The following PSKH2 variants were observed in gnomAD, a reference collection of about 807,000 sequenced individuals.
PSKH2 encodes the protein serine/threonine-protein kinase H2.
In PSKH2, 16 loss-of-function variants were observed where a neutral mutation model predicts 22.5. That is an observed-to-expected ratio of 0.71 (90% CI 0.48 to 1.08). The LOEUF (loss-of-function observed/expected upper bound fraction) is 1.08. Among genes scored for constraint, PSKH2 ranks in the 50% least tolerant of loss-of-function variants. The pLI, the probability that PSKH2 is intolerant of heterozygous loss-of-function variation, is 0.00. For missense variants in PSKH2, 516 were observed against 492.8 expected, an observed-to-expected ratio of 1.05 and a Z score of -0.44; for synonymous variants, 188 against 184.8, an observed-to-expected ratio of 1.02 and a Z score of -0.14.
At chr8:86,063,804 G>A in intron 2 of PSKH2, among the ~76,000 whole-genome samples, 161 bp downstream of exon 2, 1 of 152,176 alleles carries the variant, frequency 6.6e-6, no homozygotes, top group East Asian at 1.9e-4. Context: ...ACTGGGGGAG[G>A]TACATTACTG....
chr8:86,069,806 C>A, upstream of PSKH2: 1 of 615,688 alleles, frequency 1.6e-6, no homozygotes, highest in South Asian at 2.6e-5. Flanking sequence ...CCTGGATCAT[C>A]GCTGGTCACC....
chr8:86,065,259 T>C (rs1214604865), intron 1 of PSKH2, among the ~76,000 whole-genome samples: 5 of 152,230 alleles, frequency 3.3e-5, no homozygotes, highest in African/African-American at 1.2e-4. Context: ...TATGTTTCTT[T>C]GGGTTGCTTG....
At chr8:86,053,810 G>T (rs1057345322) in intron 2 of PSKH2, among the ~76,000 whole-genome samples, 11 of 152,162 alleles carry the variant, frequency 7.2e-5, no homozygotes, top group Non-Finnish European at 1.6e-4. Context: ...GGGAGGCCGA[G>T]TCAGGAGGAT....
At chr8:86,062,336 A>G (rs1048312550) in intron 2 of PSKH2, among the ~76,000 whole-genome samples, 1 of 152,208 alleles carries the variant, frequency 6.6e-6, no homozygotes, top group Admixed American at 6.5e-5. Flanking sequence ...TCTTACAGTG[A>G]AACCTTTGCT....
intron 1 of PSKH2, among the ~76,000 whole-genome samples, chr8:86,068,098 C>T (rs1258585209): frequency 6.6e-6 from 1 of 152,148 alleles, no homozygotes; most frequent in Admixed American, 6.5e-5. Flanking sequence ...TTGACAAGAC[C>T]CTGTACCTAC....
chr8:86,069,984 TCATATTCGGATGACATGAACATTAAA>T (rs1301328422), upstream of PSKH2, among the ~76,000 whole-genome samples: 1 of 152,118 alleles, frequency 6.6e-6, no homozygotes, highest in Admixed American at 6.5e-5. Flanking sequence ...TTCGCTGAGC[TCATATTCGGATGACATGAACATTAAA>T]CATACATATA....
intron 1 of PSKH2, among the ~76,000 whole-genome samples, chr8:86,068,682 C>G (rs1817899825): frequency 6.6e-6 from 1 of 152,072 alleles, no homozygotes; most frequent in African/African-American, 2.4e-5. Context: ...GACTCAAAGG[C>G]GCATCTCTAG....
intron 2 of PSKH2, among the ~76,000 whole-genome samples, chr8:86,051,347 C>T (rs1563539325): frequency 6.6e-6 from 1 of 152,102 alleles, no homozygotes; most frequent in Non-Finnish European, 1.5e-5. Context: ...CTCGGCCGCC[C>T]AAATTGTTGG....
chr8:86,057,477 C>T (rs982299905), intron 2 of PSKH2, among the ~76,000 whole-genome samples: 3 of 152,026 alleles, frequency 2.0e-5, no homozygotes, highest in African/African-American at 7.3e-5. Flanking sequence ...ACCTCCACCT[C>T]CCGGGTTCAA....
rs1316466889 is a variant in PSKH2 at position 86,047,156 on chromosome 8, G to C, written c.*1306C>G. ...TATTTTCATTTTGTAAATTACAAAT[G>C]AAATGAAGCATTTTTTTCATTTACT... is the stretch of plus-strand genomic sequence containing the variant. On this transcript the variant is annotated 3_prime_UTR_variant, in exon 3 of 3. Transcript: ENST00000276616. Among the ~76,000 whole-genome samples the C allele has an allele frequency of 6.6e-6, 1 of 152,048 alleles. No homozygotes were observed. The highest frequency in any genetic ancestry group is 1.5e-5 in the Non-Finnish European group (1 of 67,992).
intron 2 of PSKH2, among the ~76,000 whole-genome samples, chr8:86,051,042 C>T (rs1817623411): frequency 6.6e-6 from 1 of 151,834 alleles, no homozygotes; most frequent in Non-Finnish European, 1.5e-5. Context: ...CCACCCCCAC[C>T]CATGCCAACT....
At chr8:86,061,912 G>C (rs1817781970) in intron 2 of PSKH2, among the ~76,000 whole-genome samples, 1 of 152,204 alleles carries the variant, frequency 6.6e-6, no homozygotes, top group South Asian at 2.1e-4. Context: ...AAGCCACTAG[G>C]TTTGGGGATG....
At position 86,069,503 on chromosome 8, in the gene PSKH2, G is replaced by A; in HGVS notation, c.120C>T (p.Ala40=). The change falls in exon 1 of 3, where the codon GCC becomes GCT. Residue 40 remains alanine (A), a synonymous_variant. Transcript: ENST00000276616. ...GGAGPGPEAA[A]QAAQRIQVAR... is the part of the protein sequence containing the mutation. ...CCACCTGTATCCTCTGCGCCGCCTG[G>A]GCCGCCGCCTCGGGCCCAGGCCCCG... 1 of 1,609,062 alleles carries A rather than the reference G, an allele frequency of 6.2e-7. No homozygotes were observed. Among genetic ancestry groups the A allele is most frequent in the Non-Finnish European group, 8.5e-7 (1 of 1,178,456 alleles).
chr8:86,060,253 G>A (rs1387199241), intron 2 of PSKH2, among the ~76,000 whole-genome samples: 3 of 151,948 alleles, frequency 2.0e-5, no homozygotes, highest in African/African-American at 7.3e-5. Context: ...TCTTCTTTAA[G>A]TCTCATCTTT....
At chr8:86,067,243 T>C (rs919660238) in intron 1 of PSKH2, among the ~76,000 whole-genome samples, 1 of 152,000 alleles carries the variant, frequency 6.6e-6, no homozygotes, top group Non-Finnish European at 1.5e-5. Context: ...ATGCCTCAGA[T>C]TGTTATTCAA....
chr8:86,049,745 A>AGGAAAGAAAGAAAGAAAG lies in PSKH2; in HGVS notation c.853-979_853-978insCTTTCTTTCTTTCTTTCC, dbSNP rs1817598368. ...AAGAAAGAAAGAAAGAAAGAAAGAA[A>AGGAAAGAAAGAAAGAAAG]GAAACGAAAGAAAGAAAGAAAGAGA... On this transcript the variant is annotated intron_variant, in intron 2 of 2. Transcript: ENST00000276616. Among the ~76,000 whole-genome samples, 31 of 26,804 alleles carry AGGAAAGAAAGAAAGAAAG rather than the reference A, an allele frequency of 1.2e-3. 1 individual carries two copies. In the South Asian group the frequency reaches 0.033, roughly 29 times the overall value. The allele number at this position is 26,804 out of a possible 152,430, so 17.6% of individuals were successfully genotyped here. A position where few individuals can be genotyped will look rare whatever the true frequency, so the allele number is the denominator to read the frequency against.
At chr8:86,059,778 C>T (rs1276409661) in intron 2 of PSKH2, among the ~76,000 whole-genome samples, 1 of 152,214 alleles carries the variant, frequency 6.6e-6, no homozygotes, top group Non-Finnish European at 1.5e-5. Context: ...CTGTCTACCA[C>T]ATCTATGCTT....
chr8:86,066,223 G>C (rs1438698316), intron 1 of PSKH2, among the ~76,000 whole-genome samples: 10 of 137,426 alleles, frequency 7.3e-5, no homozygotes, highest in Non-Finnish European at 1.4e-4. Flanking sequence ...TTTTTGAGAT[G>C]GAGTTTTGCT....
At chr8:86,065,226 A>G (rs532517178) in intron 1 of PSKH2, among the ~76,000 whole-genome samples, 10 of 152,372 alleles carry the variant, frequency 6.6e-5, no homozygotes, top group African/African-American at 1.7e-4. Flanking sequence ...AGGATCCCAT[A>G]TCAGAAGACA....
Sources: gnomAD v4.1 joint callset for allele counts (sites outside exome capture counted in the v4.1 genomes callset) on GRCh38, gnomAD v4.1.1 for gene constraint, MANE v1.5 for transcripts, NCBI Gene and HGNC (gene_info 2026-07-23, HGNC 2026-07-21) for gene names.